Variants in JPH3 observed in about 807,000 individuals in gnomAD.
JPH3 encodes the protein junctophilin 3.
Under a neutral mutation model 59.6 loss-of-function variants are expected in JPH3, and 11 were observed. The observed-to-expected ratio is 0.18, with a 90% CI of 0.12 to 0.31. The LOEUF (loss-of-function observed/expected upper bound fraction) is 0.31. Among genes scored for constraint, JPH3 ranks in the 10% least tolerant of loss-of-function variants. The pLI is 1.00. For missense variants in JPH3, 1,202 were observed against 1,105.7 expected, an observed-to-expected ratio of 1.09 and a Z score of -1.24; for synonymous variants, 673 against 483.6, an observed-to-expected ratio of 1.39 and a Z score of -5.14.
intron 1 of JPH3, among the ~76,000 whole-genome samples, chr16:87,640,711 A>T (rs555806087): frequency 7.9e-5 from 12 of 152,326 alleles, no homozygotes; most frequent in African/African-American, 2.9e-4. Context: ...CTTTTTAAAT[A>T]TAAGTATGTC....
chr16:87,669,433 A>G (rs1439948668), intron 2 of JPH3, among the ~76,000 whole-genome samples: 1 of 152,218 alleles, frequency 6.6e-6, no homozygotes, highest in Non-Finnish European at 1.5e-5. Flanking sequence ...GGTCTCTGCA[A>G]CACACGCCTG....
intron 1 of JPH3, among the ~76,000 whole-genome samples, chr16:87,634,788 G>A (rs181939338): frequency 1.1e-4 from 17 of 152,356 alleles, no homozygotes; most frequent in African/African-American, 3.4e-4. Flanking sequence ...CTTTGGGGTT[G>A]GGCCTCAGCC....
intron 2 of JPH3, among the ~76,000 whole-genome samples, chr16:87,674,111 G>GATC (rs2033085547): frequency 1.3e-5 from 2 of 151,486 alleles, no homozygotes; most frequent in South Asian, 2.1e-4. Flanking sequence ...GAGGCAGGTG[G>GATC]ATCACGAGGT....
chr16:87,669,365 G>A (rs2032956492), intron 2 of JPH3, among the ~76,000 whole-genome samples: 1 of 152,224 alleles, frequency 6.6e-6, no homozygotes, highest in Admixed American at 6.5e-5. Context: ...AGAAAAGGAA[G>A]GAGACTTGGC....
At chr16:87,656,331 C>CG (rs1011075711) in intron 2 of JPH3, among the ~76,000 whole-genome samples, 8 of 152,256 alleles carry the variant, frequency 5.3e-5, no homozygotes, top group Middle Eastern at 3.4e-3. Context: ...CTTCCTGAGA[C>CG]GGGGGGTGGG....
intron 1 of JPH3, 58 bp downstream of exon 1, chr16:87,603,586 C>T: frequency 1.3e-6 from 2 of 1,511,210 alleles, no homozygotes; most frequent in South Asian, 1.3e-5. Context: ...CGATCGCGCC[C>T]CTTCTGTGGA....
rs182989696 is a variant in JPH3, at chr16:87,679,781, C to T, written c.1161-4361C>T. Among the ~76,000 whole-genome samples the T allele has an allele frequency of 3.1e-3, 469 of 152,364 alleles. 3 individuals are homozygous for T. The highest frequency in any genetic ancestry group is 0.011 in the African/African-American group (450 of 41,588). ...GGAGGCCCGGCCGTGTCCTCTCTTA[C>T]CCCAGTTCTCCAGGCACTGGCCAGG... On this transcript the variant is annotated intron_variant, in intron 2 of 4. Transcript: ENST00000284262.
chr16:87,613,568 A>G (rs868190375), intron 1 of JPH3, among the ~76,000 whole-genome samples: 8 of 151,992 alleles, frequency 5.3e-5, no homozygotes, highest in Non-Finnish European at 7.4e-5. Flanking sequence ...TGATCCGCCC[A>G]CCTCAGCCTC....
chr16:87,637,476 C>G (rs1360729429), intron 1 of JPH3, among the ~76,000 whole-genome samples: 1 of 151,594 alleles, frequency 6.6e-6, no homozygotes. Context: ...GGGGTCTGTT[C>G]TCATTTTGCG....
intron 2 of JPH3, among the ~76,000 whole-genome samples, chr16:87,661,155 C>G (rs1380466477): frequency 1.3e-5 from 2 of 152,212 alleles, no homozygotes; most frequent in Non-Finnish European, 2.9e-5. Context: ...CTCGAGGTCC[C>G]TCCTCCACCT....
In JPH3 at chr16:87,690,483, T is replaced by C; in HGVS notation, c.2123T>C (p.Leu708Pro). Reference protein sequence around the residue: ...SPPQKSLPVALESDEENGDEL... With the variant: ...SPPQKSLPVAPESDEENGDEL... Reference sequence around the variant, plus strand: ...CCCCAGAAATCCTTGCCTGTCGCTCTAGAGTCCGACGAGGAGAATGGGGAT... The same window carrying C: ...CCCCAGAAATCCTTGCCTGTCGCTCCAGAGTCCGACGAGGAGAATGGGGAT... The change falls in exon 4 of 5, where the codon CTA becomes CCA. Residue 708 changes from leucine to proline, a missense_variant. Physicochemically the swap from Leu to Pro is moderately conservative, Grantham distance 98. Transcript: ENST00000284262. 1 of 1,488,390 alleles carries C rather than the reference T, an allele frequency of 6.7e-7. No individual in the cohort carries two copies. The highest frequency in any genetic ancestry group is 1.4e-5 in the South Asian group (1 of 70,516). 92.2% of individuals were successfully genotyped at this position (1,488,390 alleles called of 1,614,324 possible).
intron 1 of JPH3, among the ~76,000 whole-genome samples, chr16:87,616,743 G>C (rs2562066): frequency 6.6e-6 from 1 of 152,104 alleles, no homozygotes; most frequent in Non-Finnish European, 1.5e-5. Context: ...CCCGCGCCCC[G>C]GGGTCCCTTG....
chr16:87,619,548 C>T (rs942353909), intron 1 of JPH3, among the ~76,000 whole-genome samples: 20 of 152,104 alleles, frequency 1.3e-4, no homozygotes, highest in Admixed American at 6.5e-4. Context: ...CAGTAAGCGG[C>T]GACAGGACAA....
intron 1 of JPH3, among the ~76,000 whole-genome samples, chr16:87,639,058 C>G (rs1412468387): frequency 1.3e-5 from 2 of 152,130 alleles, no homozygotes; most frequent in African/African-American, 4.8e-5. Context: ...CTGTGTGTTC[C>G]TAGGGCGGCC....
chr16:87,656,362 G>A (rs891228485), intron 2 of JPH3, among the ~76,000 whole-genome samples: 1 of 152,228 alleles, frequency 6.6e-6, no homozygotes, highest in Non-Finnish European at 1.5e-5. Context: ...AGCAAAGGAA[G>A]CTCTAAACAC....
At chr16:87,661,109 C>G (rs906934444) in intron 2 of JPH3, among the ~76,000 whole-genome samples, 4 of 152,224 alleles carry the variant, frequency 2.6e-5, no homozygotes, top group Non-Finnish European at 5.9e-5. Context: ...TGTTCCTTGC[C>G]TTTCCCAGCT....
chr16:87,620,543 G>A, intron 1 of JPH3, among the ~76,000 whole-genome samples: 1 of 148,932 alleles, frequency 6.7e-6, no homozygotes, highest in East Asian at 2.0e-4. Context: ...AGGAGAGGGA[G>A]GGGAAGGGCT....
chr16:87,695,982 C>G (rs1211861444), intron 4 of JPH3: 6 of 456,072 alleles, frequency 1.3e-5, no homozygotes, highest in South Asian at 9.3e-5. Context: ...GGACCATAAC[C>G]TAAATCCAAG....
chr16:87,677,806 T>A (rs1186323464), intron 2 of JPH3, among the ~76,000 whole-genome samples: 1 of 152,194 alleles, frequency 6.6e-6, no homozygotes, highest in African/African-American at 2.4e-5. Context: ...GCAGACCCGC[T>A]CCTGTCTCCA....
Sources: allele counts gnomAD v4.1 joint callset (sites outside exome capture counted in the v4.1 genomes callset), GRCh38; gene constraint gnomAD v4.1.1; transcripts MANE v1.5; gene names NCBI Gene and HGNC (gene_info 2026-07-23, HGNC 2026-07-21).